ENPEP: variants seen among roughly 807,000 people sequenced by gnomAD.
ENPEP encodes the protein AP-A.
Under a neutral mutation model 114.5 loss-of-function variants are expected in ENPEP, and 103 were observed. That is an observed-to-expected ratio of 0.90 (90% CI 0.77 to 1.06). ENPEP has a LOEUF of 1.06. ENPEP is among the 50% of genes least tolerant of loss of function. The pLI is 0.00. For synonymous variants in ENPEP, 420 were observed against 422.0 expected, an observed-to-expected ratio of 1.00 and a Z score of 0.06; for missense variants, 1,196 against 1,161.3, an observed-to-expected ratio of 1.03 and a Z score of -0.43.
chr4:110,548,844 C>G (rs1406876276), intron 14 of ENPEP, among the ~76,000 whole-genome samples: 1 of 151,998 alleles, frequency 6.6e-6, no homozygotes, highest in South Asian at 2.1e-4. Context: ...ATCTCTAGCT[C>G]TTCTATTTAC....
At chr4:110,477,930 T>C (rs985307622) in intron 1 of ENPEP, among the ~76,000 whole-genome samples, 8 of 152,194 alleles carry the variant, frequency 5.3e-5, no homozygotes, top group South Asian at 4.1e-4. Context: ...AACTCTCTCA[T>C]TGAACTCCAA....
chr4:110,519,323 A>AT, intron 8 of ENPEP: 1 of 233,890 alleles, frequency 4.3e-6, no homozygotes. Context: ...AGATGGTTCC[A>AT]TTTTCTATCA....
chr4:110,528,953 T>G (rs1024750296), intron 10 of ENPEP, among the ~76,000 whole-genome samples: 3 of 152,244 alleles, frequency 2.0e-5, no homozygotes, highest in African/African-American at 4.8e-5. Flanking sequence ...CTCTCAAGTC[T>G]GTGATTTTAC....
At chr4:110,560,834 T>G (rs1276282232) in intron 19 of ENPEP, among the ~76,000 whole-genome samples, 1 of 152,226 alleles carries the variant, frequency 6.6e-6, no homozygotes, top group African/African-American at 2.4e-5. Flanking sequence ...ATCTGTGTGT[T>G]AGATATTGAA....
chr4:110,548,742 T>C (rs370329741), intron 14 of ENPEP, among the ~76,000 whole-genome samples: 30 of 152,238 alleles, frequency 2.0e-4, no homozygotes, highest in African/African-American at 7.0e-4. Context: ...GATTTTATCA[T>C]ATGTAGTCAT....
Position 110,476,239 on chromosome 4 carries a change from TG to T in ENPEP, c.-173del. ...TTCCGCATTCATCCTGAGTGGCTGG[TG>T]GGAACGTGAAAAGGGAGAGGAAAAG... On this transcript the variant is annotated 5_prime_UTR_variant, in exon 1 of 20. Coordinates refer to ENST00000265162, the MANE Select transcript of ENPEP (RefSeq NM_001977.4). The T allele has an allele frequency of 1.4e-6, 1 of 695,738 alleles. No individual in the cohort carries two copies. The highest frequency in any genetic ancestry group is 2.2e-6 in the Non-Finnish European group (1 of 448,572). 43.1% of individuals were successfully genotyped at this position (695,738 alleles called of 1,614,324 possible).
chr4:110,559,687 A>G lies in ENPEP; in HGVS notation c.2683A>G (p.Ile895Val), dbSNP rs1011814328. The G allele has an allele frequency of 1.2e-6, 2 of 1,613,966 alleles. No homozygotes were observed. Among genetic ancestry groups the G allele is most frequent in the Non-Finnish European group, 1.7e-6 (2 of 1,179,942 alleles). ...NNRNLGRIVT[I>V]AEPFNTELQL... ...CAGAAACCTTGGCCGAATTGTCACA[A>G]TAGCAGAGCCATTCAACACTGAACT... Residue 895 changes from isoleucine to valine, a missense_variant, in exon 19 of 20, where the codon ATA becomes GTA. Ile to Val is a conservative substitution (Grantham distance 29, BLOSUM62 3). Coordinates refer to ENST00000265162, the MANE Select transcript of ENPEP (RefSeq NM_001977.4).
chr4:110,561,199 T>C (rs1413970431), intron 19 of ENPEP, among the ~76,000 whole-genome samples: 1 of 152,164 alleles, frequency 6.6e-6, no homozygotes, highest in African/African-American at 2.4e-5. Context: ...TGGCTTGACA[T>C]GCTGTGGGGA....
intron 2 of ENPEP, among the ~76,000 whole-genome samples, chr4:110,489,387 C>T (rs1394582154): frequency 6.6e-6 from 1 of 151,878 alleles, no homozygotes; most frequent in African/African-American, 2.4e-5. Context: ...AGGAGGGGAA[C>T]ATCAACACCA....
intron 8 of ENPEP, among the ~76,000 whole-genome samples, chr4:110,517,343 A>AAATG (rs1188209097): frequency 6.6e-6 from 1 of 152,200 alleles, no homozygotes; most frequent in African/African-American, 2.4e-5. Flanking sequence ...AATGTTTGTT[A>AAATG]AATGAATGAA....
intron 5 of ENPEP, 123 bp downstream of exon 5, chr4:110,509,930 A>G: frequency 7.6e-7 from 1 of 1,309,496 alleles, no homozygotes; most frequent in South Asian, 1.6e-5. Context: ...TTGCATGAAA[A>G]TCTTTCTTGG....
At chr4:110,541,555 C>G (rs763128200) in intron 11 of ENPEP, among the ~76,000 whole-genome samples, 5 of 152,146 alleles carry the variant, frequency 3.3e-5, no homozygotes, top group Non-Finnish European at 7.4e-5. Flanking sequence ...AATTAGTCTT[C>G]TTGTCGCTAG....
At chr4:110,484,770 T>TATA (rs1553916351) in intron 1 of ENPEP, among the ~76,000 whole-genome samples, 2 of 142,662 alleles carry the variant, frequency 1.4e-5, no homozygotes, top group Admixed American at 7.0e-5. Flanking sequence ...ATATATTATA[T>TATA]TATATATATA....
chr4:110,552,597 T>C (rs1727331765), intron 17 of ENPEP, among the ~76,000 whole-genome samples: 1 of 152,126 alleles, frequency 6.6e-6, no homozygotes, highest in Admixed American at 6.6e-5. Flanking sequence ...CTATCAGTAG[T>C]AGACATCTAT....
At chr4:110,538,979 T>C (rs1184477258) in intron 11 of ENPEP, among the ~76,000 whole-genome samples, 1 of 152,098 alleles carries the variant, frequency 6.6e-6, no homozygotes, top group African/African-American at 2.4e-5. Flanking sequence ...TTCTCACCTA[T>C]ATGGGTGTGG....
intron 10 of ENPEP, among the ~76,000 whole-genome samples, chr4:110,520,606 C>T (rs896943893): frequency 5.3e-5 from 8 of 151,998 alleles, no homozygotes; most frequent in Non-Finnish European, 1.0e-4. Flanking sequence ...ATGGAATTAC[C>T]TAAAGAAATA....
At chr4:110,531,406 T>C in intron 11 of ENPEP, 129 bp downstream of exon 11, 1 of 655,274 alleles carries the variant, frequency 1.5e-6, no homozygotes, top group East Asian at 4.2e-5. Flanking sequence ...TTAAATAATT[T>C]ATTGATGATT....
At chr4:110,546,474 G>T (rs1266134351) in intron 13 of ENPEP, among the ~76,000 whole-genome samples, 1 of 151,942 alleles carries the variant, frequency 6.6e-6, no homozygotes, top group Non-Finnish European at 1.5e-5. Context: ...AAGGCTGCGT[G>T]GGGGCAGGAG....
intron 19 of ENPEP, 109 bp from the exon 20 acceptor site, chr4:110,561,297 G>A (rs1177185789): frequency 1.8e-6 from 2 of 1,131,326 alleles, no homozygotes; most frequent in African/African-American, 3.1e-5. Context: ...GTTGTGCAGT[G>A]ATACTGAATT....
Sources: allele counts gnomAD v4.1 joint callset (sites outside exome capture counted in the v4.1 genomes callset), GRCh38; gene constraint gnomAD v4.1.1; transcripts MANE v1.5; gene names NCBI Gene and HGNC (gene_info 2026-07-23, HGNC 2026-07-21).